Variants in GALM observed in about 807,000 individuals in gnomAD.
The protein encoded by GALM is galactose mutarotase.
A neutral mutation model predicts 37.4 loss-of-function variants in GALM; 43 were observed. That is an observed-to-expected ratio of 1.15 (90% CI 0.90 to 1.48). GALM has a LOEUF of 1.48. Among genes scored for constraint, GALM ranks in the 40% most tolerant of loss-of-function variants. GALM has a pLI of 0.00. For missense variants in GALM, 456 were observed against 419.1 expected (o/e 1.09, Z -0.77); for synonymous variants, 199 against 170.6 (o/e 1.17, Z -1.30).
At chr2:38,723,109 C>A (rs954155608) in intron 4 of GALM, among the ~76,000 whole-genome samples, 1 of 152,158 alleles carries the variant, frequency 6.6e-6, no homozygotes, top group Non-Finnish European at 1.5e-5. Flanking sequence ...GCTTCATGCC[C>A]AGAGGGTACA....
At chr2:38,722,816 G>T (rs1054912811) in intron 4 of GALM, among the ~76,000 whole-genome samples, 1 of 152,158 alleles carries the variant, frequency 6.6e-6, no homozygotes, top group Non-Finnish European at 1.5e-5. Flanking sequence ...GGTTGGGGGC[G>T]TAAGGGGCTG....
chr2:38,722,777 TAGTG>T (rs1042289614), intron 4 of GALM, among the ~76,000 whole-genome samples: 1 of 152,166 alleles, frequency 6.6e-6, no homozygotes, highest in Non-Finnish European at 1.5e-5. Flanking sequence ...TCTAAATTCT[TAGTG>T]AGAAAAATCA....
At chr2:38,722,780 T>C (rs1409247552) in intron 4 of GALM, among the ~76,000 whole-genome samples, 1 of 152,152 alleles carries the variant, frequency 6.6e-6, no homozygotes, top group East Asian at 1.9e-4. Context: ...AAATTCTTAG[T>C]GAGAAAAATC....
chr2:38,724,776 T>C (rs1239713980), intron 4 of GALM, among the ~76,000 whole-genome samples: 1 of 152,232 alleles, frequency 6.6e-6, no homozygotes, highest in African/African-American at 2.4e-5. Flanking sequence ...GGCCCTGTTA[T>C]ATATATTTAT....
At chr2:38,692,440 A>G (rs1665699685) in intron 4 of GALM, among the ~76,000 whole-genome samples, 1 of 152,110 alleles carries the variant, frequency 6.6e-6, no homozygotes. Flanking sequence ...TTGTAGAGAC[A>G]GGGTCTCCCT....
chr2:38,728,392 C>CAA lies in GALM; in HGVS notation c.635-1153_635-1152dup, dbSNP rs11464719. On this transcript the variant is annotated intron_variant, in intron 4 of 6. Transcript: ENST00000272252. ...CTGGGCGACGAGCAAAACTCTGTCT[C>CAA]AAAAAAAAAAAACTTTTTTTTTGGC... 1.6e-3 allele frequency among the ~76,000 whole-genome samples: 226 copies of CAA among 141,368 alleles called. 1 individual carries two copies. The highest frequency in any genetic ancestry group is 3.4e-3 in the South Asian group (15 of 4,394). The allele number at this position is 141,368 out of a possible 152,430, so 92.7% of individuals were successfully genotyped here. A position where few individuals can be genotyped will look rare whatever the true frequency, so the allele number is the denominator to read the frequency against.
At chr2:38,693,829 G>C (rs1665739279) in intron 4 of GALM, among the ~76,000 whole-genome samples, 2 of 152,140 alleles carry the variant, frequency 1.3e-5, no homozygotes, top group East Asian at 1.9e-4. Flanking sequence ...AGGTAGTCTG[G>C]TATTAGAACT....
chr2:38,700,808 C>A (rs776145396), intron 4 of GALM, among the ~76,000 whole-genome samples: 2 of 151,774 alleles, frequency 1.3e-5, no homozygotes, highest in Non-Finnish European at 2.9e-5. Context: ...TCCTTTCTTC[C>A]CCTCTTATTG....
Position 38,729,993 on chromosome 2 carries a change from C to G in GALM, c.776+296C>G, listed in dbSNP as rs531460816. Among the ~76,000 whole-genome samples the G allele has an allele frequency of 6.6e-5, 10 of 152,290 alleles. No homozygotes were observed. In the South Asian group the frequency reaches 1.9e-3, roughly 28 times the overall value. ...GCCTTAACTCTTCCTAGTGAAGTCA[C>G]CTCGGCTGTCACTGAACTTCCAGAG... On this transcript the variant is annotated intron_variant, in intron 5 of 6. Coordinates refer to ENST00000272252, the MANE Select transcript of GALM (RefSeq NM_138801.3).
chr2:38,693,483 C>CAAA (rs11339764), intron 4 of GALM, among the ~76,000 whole-genome samples: 2 of 101,272 alleles, frequency 2.0e-5, no homozygotes, highest in Non-Finnish European at 4.5e-5. Flanking sequence ...ACTCTGCTTC[C>CAAA]AAAAAAAAAA....
At chr2:38,688,928 C>G (rs1377469317) in intron 3 of GALM, among the ~76,000 whole-genome samples, 1 of 152,202 alleles carries the variant, frequency 6.6e-6, no homozygotes. Context: ...TCAAGCAATT[C>G]TCCTGCCTCA....
intron 4 of GALM, among the ~76,000 whole-genome samples, chr2:38,706,179 A>G (rs1245899776): frequency 6.6e-6 from 1 of 151,314 alleles, no homozygotes; most frequent in Non-Finnish European, 1.5e-5. Flanking sequence ...TAATTTTTGT[A>G]TTTTTAGGAG....
At chr2:38,687,406 A>G (rs918261122) in intron 3 of GALM, among the ~76,000 whole-genome samples, 2 of 152,100 alleles carry the variant, frequency 1.3e-5, no homozygotes, top group African/African-American at 4.8e-5. Flanking sequence ...CTGGGAGAAA[A>G]CAAGAGCATC....
intron 2 of GALM, among the ~76,000 whole-genome samples, chr2:38,676,780 A>AT (rs897012145): frequency 1.3e-4 from 20 of 152,154 alleles, no homozygotes; most frequent in African/African-American, 4.6e-4. Context: ...TAAAAAATAA[A>AT]TAATAAATAA....
intron 6 of GALM, among the ~76,000 whole-genome samples, chr2:38,732,427 A>G (rs1666627289): frequency 6.6e-6 from 1 of 152,244 alleles, no homozygotes; most frequent in Non-Finnish European, 1.5e-5. Context: ...CATGGGATTT[A>G]CATGGTTTTA....
At chr2:38,678,250 T>C (rs1665308792) in intron 2 of GALM, among the ~76,000 whole-genome samples, 1 of 152,108 alleles carries the variant, frequency 6.6e-6, no homozygotes, top group Non-Finnish European at 1.5e-5. Context: ...CCTCAGGTGA[T>C]TCACCCACCT....
intron 2 of GALM, among the ~76,000 whole-genome samples, chr2:38,679,705 A>G (rs1001958299): frequency 9.2e-5 from 14 of 152,334 alleles, no homozygotes; most frequent in Admixed American, 7.2e-4. Flanking sequence ...GTAAGGGAAC[A>G]GTCTCAGGAT....
chr2:38,730,545 G>A (rs932032477), intron 5 of GALM, among the ~76,000 whole-genome samples: 9 of 152,122 alleles, frequency 5.9e-5, no homozygotes, highest in African/African-American at 2.2e-4. Flanking sequence ...GATTACAGGT[G>A]TAAGCCACTG....
intron 4 of GALM, among the ~76,000 whole-genome samples, chr2:38,693,349 G>A (rs1665724190): frequency 6.6e-6 from 1 of 152,128 alleles, no homozygotes; most frequent in Admixed American, 6.6e-5. Flanking sequence ...TGGGTGTGAT[G>A]GTAGGCGCCT....
Sources: gnomAD v4.1 joint callset for allele counts (sites outside exome capture counted in the v4.1 genomes callset) on GRCh38, gnomAD v4.1.1 for gene constraint, MANE v1.5 for transcripts, NCBI Gene and HGNC (gene_info 2026-07-23, HGNC 2026-07-21) for gene names.